The following PHACTR2 variants were observed in gnomAD, a reference collection of about 807,000 sequenced individuals.
PHACTR2 encodes the protein phosphatase and actin regulator 2, also known as chromosome 6 open reading frame 56.
PHACTR2 carries 30 observed loss-of-function variants against 76.0 expected under a neutral mutation model. That is an observed-to-expected ratio of 0.39 (90% CI 0.30 to 0.54). PHACTR2 has a LOEUF of 0.54. PHACTR2 is among the 20% of genes least tolerant of loss of function. The pLI is 0.61. For synonymous variants in PHACTR2, 292 were observed against 292.5 expected, an observed-to-expected ratio of 1.00 and a Z score of 0.02; for missense variants, 696 against 781.1, an observed-to-expected ratio of 0.89 and a Z score of 1.30.
chr6:143,769,552 C>G (rs1775041973), intron 6 of PHACTR2, among the ~76,000 whole-genome samples: 1 of 152,148 alleles, frequency 6.6e-6, no homozygotes, highest in East Asian at 1.9e-4. Flanking sequence ...GCAACTCACT[C>G]ATGGTCTTCT....
intron 11 of PHACTR2, among the ~76,000 whole-genome samples, chr6:143,796,373 T>TTTTTC (rs1310211616): frequency 1.5e-5 from 2 of 135,952 alleles, no homozygotes; most frequent in African/African-American, 2.7e-5. Flanking sequence ...CTGCATTTTC[T>TTTTTC]TTTTCTTTTC....
chr6:143,786,898 G>A (rs542811703), intron 10 of PHACTR2, among the ~76,000 whole-genome samples: 125 of 152,208 alleles, frequency 8.2e-4, no homozygotes, highest in African/African-American at 2.7e-3. Context: ...TGAGGACACC[G>A]CCAAACCATA....
In PHACTR2 at chr6:143,656,467, A is replaced by C. The variant is rs1776851380; in HGVS notation, c.13+48145A>C. Among the ~76,000 whole-genome samples, 1 of 152,042 alleles carries C rather than the reference A, an allele frequency of 6.6e-6. No homozygotes were observed. Among genetic ancestry groups the C allele is most frequent in the Non-Finnish European group, 1.5e-5 (1 of 68,012 alleles). On this transcript the variant is annotated intron_variant, in intron 1 of 11. Coordinates refer to the PHACTR2 transcript ENST00000305766. The surrounding 1 kb of genome is among the most constrained non-coding windows in gnomAD (Gnocchi z 5.3). ...AAGAACATCTCATAGTGTTTTAAGAAAGTTTACGTATTTGTTTTGGGCTGC... is the reference window on the plus strand; with the variant it reads ...AAGAACATCTCATAGTGTTTTAAGACAGTTTACGTATTTGTTTTGGGCTGC...
rs139129782 is a variant in PHACTR2 at position 143,611,629 on chromosome 6, C to T, written c.13+3307C>T. Among the ~76,000 whole-genome samples, 7 of 152,304 alleles carry T rather than the reference C, an allele frequency of 4.6e-5. No homozygotes were observed. The East Asian group carries it at 1.3e-3, about 29-fold the overall frequency. ...GATAACTCCTGTAAAGCTTTTGGTA[C>T]AATGGCTGGCATATGGCAGCATACA... is the stretch of plus-strand genomic sequence containing the variant. On this transcript the variant is annotated intron_variant, in intron 1 of 11. Coordinates refer to the PHACTR2 transcript ENST00000305766. This position sits in a 1 kb window ranked among gnomAD's most constrained non-coding sequence, Gnocchi z 4.4.
At position 143,553,492 on chromosome 6, in the gene PHACTR2, C is replaced by A. The variant is rs532479235; in HGVS notation, c.217+16285C>A. On this transcript the variant is annotated intron_variant, in intron 1 of 11. Transcript: ENST00000367584. The surrounding 1 kb of genome is among the most constrained non-coding windows in gnomAD (Gnocchi z 4.2). ...GGTGCTTATGGAAGTCAGGCTCCCACCCTCCCACAGAGGCTGGAGACAGGA... is the reference window on the plus strand; with the variant it reads ...GGTGCTTATGGAAGTCAGGCTCCCAACCTCCCACAGAGGCTGGAGACAGGA... Among the ~76,000 whole-genome samples, 3 of 152,298 alleles carry A rather than the reference C, an allele frequency of 2.0e-5. No individual in the cohort carries two copies. The East Asian group carries it at 5.8e-4, about 29-fold the overall frequency.
intron 2 of PHACTR2, among the ~76,000 whole-genome samples, chr6:143,714,025 C>T (rs747507571): frequency 1.3e-5 from 2 of 152,102 alleles, no homozygotes; most frequent in African/African-American, 2.4e-5. Flanking sequence ...AAAGTAGTTG[C>T]GATTTTTGCC....
intron 1 of PHACTR2, among the ~76,000 whole-genome samples, chr6:143,628,969 A>G (rs1175219518): frequency 2.0e-5 from 2 of 98,418 alleles, no homozygotes; most frequent in South Asian, 3.3e-4. Flanking sequence ...ATATATATAT[A>G]TATATATATA....
At chr6:143,790,151 T>C (rs1359152920) in intron 11 of PHACTR2, among the ~76,000 whole-genome samples, 1 of 152,098 alleles carries the variant, frequency 6.6e-6, no homozygotes, top group East Asian at 1.9e-4. Flanking sequence ...TCCTGAGAAT[T>C]TGGGCTCTGA....
intron 1 of PHACTR2, among the ~76,000 whole-genome samples, chr6:143,613,099 C>T (rs907706943): frequency 8.5e-5 from 13 of 152,232 alleles, no homozygotes; most frequent in African/African-American, 3.1e-4. Context: ...GCCTCAGCCT[C>T]CCGAGTAGCT....
rs55737411 is a variant in PHACTR2 at position 143,802,647 on chromosome 6, C to CAAAAA, written c.1846-4397_1846-4393dup. ...TGGGTGACAGAACAAGACCCTGTCT[C>CAAAAA]AAAAAAAAAAAAAAAAATCAGTCCT... is the stretch of plus-strand genomic sequence containing the variant. On this transcript the variant is annotated intron_variant, in intron 11 of 12. Transcript: ENST00000440869. Among the ~76,000 whole-genome samples, 47 of 90,116 alleles carry CAAAAA rather than the reference C, an allele frequency of 5.2e-4. 1 individual carries two copies. Among genetic ancestry groups the CAAAAA allele is most frequent in the Non-Finnish European group, 8.5e-4 (40 of 46,868 alleles). 59.1% of individuals were successfully genotyped at this position (90,116 alleles called of 152,430 possible).
chr6:143,678,023 G>A lies in PHACTR2; in HGVS notation c.-141G>A. ...GCCGGCCGGGCTGGGAGACCCGCGC[G>A]GGGTAGAAGGTGAGGGGACCCGGCG... is the stretch of plus-strand genomic sequence containing the variant. On this transcript the variant is annotated 5_prime_UTR_variant, in exon 1 of 13. Transcript: ENST00000440869. The surrounding 1 kb of genome is among the most constrained non-coding windows in gnomAD (Gnocchi z 6.2). The A allele has an allele frequency of 2.0e-6, 3 of 1,488,190 alleles. No homozygotes were observed. The highest frequency in any genetic ancestry group is 2.7e-6 in the Non-Finnish European group (3 of 1,115,438). 92.2% of individuals were successfully genotyped at this position (1,488,190 alleles called of 1,614,324 possible).
Position 143,571,376 on chromosome 6 carries a change from A to C in PHACTR2, c.217+34169A>C, listed in dbSNP as rs1374736689. Among the ~76,000 whole-genome samples, 2 of 152,122 alleles carry C rather than the reference A, an allele frequency of 1.3e-5. No homozygotes were observed. Among genetic ancestry groups the C allele is most frequent in the Non-Finnish European group, 2.9e-5 (2 of 68,014 alleles). On this transcript the variant is annotated intron_variant, in intron 1 of 11. Coordinates refer to the PHACTR2 transcript ENST00000367584. The surrounding 1 kb of genome is among the most constrained non-coding windows in gnomAD (Gnocchi z 4.6). The stretch of plus-strand genomic sequence containing the variant: ...TATTTGTATTAGTGTGGTCTCATGG[A>C]TATTTCCTTTATCCTATAATCCATT...
At chr6:143,609,167 C>T (rs1775936303) in intron 1 of PHACTR2, among the ~76,000 whole-genome samples, 1 of 152,160 alleles carries the variant, frequency 6.6e-6, no homozygotes, top group Non-Finnish European at 1.5e-5. Flanking sequence ...GTCAGCTCTT[C>T]TAAGAGGTTA....
At chr6:143,682,851 A>G (rs1175103609) in intron 1 of PHACTR2, among the ~76,000 whole-genome samples, 4 of 152,048 alleles carry the variant, frequency 2.6e-5, no homozygotes, top group African/African-American at 9.7e-5. Flanking sequence ...CACTTTGTCA[A>G]AAAGTTCTCT....
In PHACTR2 at chr6:143,818,159, A is replaced by T. The variant is rs995027644; in HGVS notation, c.1923-5515A>T. 2.6e-5 allele frequency among the ~76,000 whole-genome samples: 4 copies of T among 152,308 alleles called. No homozygotes were observed. The highest frequency in any genetic ancestry group is 9.6e-5 in the African/African-American group (4 of 41,564). ...AATAATCAATAAAAAATTTAAATAAAATTTGATTAAAATGGACAGAGGTAG... is the reference window on the plus strand; with the variant it reads ...AATAATCAATAAAAAATTTAAATAATATTTGATTAAAATGGACAGAGGTAG... On this transcript the variant is annotated intron_variant, in intron 12 of 12. Transcript: ENST00000440869. The surrounding 1 kb of genome is among the most constrained non-coding windows in gnomAD (Gnocchi z 4.9).
rs1004367750 is a variant in PHACTR2, at chr6:143,710,247, A to C, written c.47-1769A>C. On this transcript the variant is annotated intron_variant, in intron 1 of 12. Coordinates refer to ENST00000440869, the MANE Select transcript of PHACTR2 (RefSeq NM_001100164.2). The surrounding 1 kb of genome is among the most constrained non-coding windows in gnomAD (Gnocchi z 4.9). ...CGAGTCTGGGATATTTGAGGCAAAA[A>C]GAAAACCCAGGAATCTCACCACCGT... Among the ~76,000 whole-genome samples the C allele has an allele frequency of 1.3e-5, 2 of 152,146 alleles. No individual in the cohort carries two copies. Among genetic ancestry groups the C allele is most frequent in the Non-Finnish European group, 2.9e-5 (2 of 68,026 alleles).
Position 143,671,127 on chromosome 6 carries a change from A to G in PHACTR2, c.14-40889A>G, listed in dbSNP as rs1777146999. Among the ~76,000 whole-genome samples, 1 of 152,042 alleles carries G rather than the reference A, an allele frequency of 6.6e-6. No homozygotes were observed. Among genetic ancestry groups the G allele is most frequent in the African/African-American group, 2.4e-5 (1 of 41,376 alleles). ...GTATTTTTAGTAGAGATGGGGTTCC[A>G]CCACGTTGGTCAGGCTGGTCTTGAA... On this transcript the variant is annotated intron_variant, in intron 1 of 11. Transcript: ENST00000305766. This position sits in a 1 kb window ranked among gnomAD's most constrained non-coding sequence, Gnocchi z 4.6.
chr6:143,729,234 T>A (rs971724260), intron 2 of PHACTR2, among the ~76,000 whole-genome samples: 3 of 152,192 alleles, frequency 2.0e-5, no homozygotes, highest in African/African-American at 7.2e-5. Flanking sequence ...TTATATATTC[T>A]AGATACAAGC....
intron 1 of PHACTR2, among the ~76,000 whole-genome samples, chr6:143,582,443 A>T (rs1775586769): frequency 6.6e-6 from 1 of 152,178 alleles, no homozygotes; most frequent in Non-Finnish European, 1.5e-5. Context: ...ACCTGGAAAC[A>T]GTTTGGTTGT....
Sources: gnomAD v4.1 joint callset for allele counts (sites outside exome capture counted in the v4.1 genomes callset) on GRCh38, gnomAD v4.1.1 for gene constraint, Gnocchi (gnomAD v3.1) non-coding constraint, MANE v1.5 for transcripts, NCBI Gene and HGNC (gene_info 2026-07-23, HGNC 2026-07-21) for gene names.